The following CDK6 variants were observed in gnomAD, a reference collection of about 807,000 sequenced individuals.
CDK6 encodes the protein cyclin-dependent kinase 6.
In CDK6, 6 loss-of-function variants were observed where a neutral mutation model predicts 37.1. The observed-to-expected ratio is 0.16, with a 90% CI of 0.09 to 0.32. The LOEUF (loss-of-function observed/expected upper bound fraction) is 0.32. CDK6 is among the 10% of genes least tolerant of loss of function. The pLI is 1.00. For missense variants in CDK6, 224 were observed against 418.9 expected (o/e 0.53, Z 4.06); for synonymous variants, 160 against 161.3 (o/e 0.99, Z 0.06).
At chr7:92,779,361 A>G (rs1044634398) in intron 2 of CDK6, among the ~76,000 whole-genome samples, 2 of 152,230 alleles carry the variant, frequency 1.3e-5, no homozygotes, top group African/African-American at 4.8e-5. Context: ...TTCAATCGGT[A>G]GTTTTTAAAA....
chr7:92,651,776 TG>T, intron 5 of CDK6, among the ~76,000 whole-genome samples: 1 of 150,022 alleles, frequency 6.7e-6, no homozygotes, highest in South Asian at 2.1e-4. Flanking sequence ...TTTTTTGACA[TG>T]GAAGAACACT....
At chr7:92,733,666 C>A (rs976674600) in intron 3 of CDK6, among the ~76,000 whole-genome samples, 2 of 152,062 alleles carry the variant, frequency 1.3e-5, no homozygotes, top group Non-Finnish European at 2.9e-5. Flanking sequence ...AAATTACCCA[C>A]CAATTTTAAA....
At chr7:92,812,896 G>T (rs1473637537) in intron 2 of CDK6, among the ~76,000 whole-genome samples, 1 of 152,144 alleles carries the variant, frequency 6.6e-6, no homozygotes, top group East Asian at 1.9e-4. Flanking sequence ...ACAATCACCA[G>T]AATTTATTTT....
At chr7:92,821,593 A>T (rs771880853) in intron 2 of CDK6, among the ~76,000 whole-genome samples, 74 of 152,072 alleles carry the variant, frequency 4.9e-4, no homozygotes, top group Non-Finnish European at 6.0e-4. Flanking sequence ...CTTGAAACAT[A>T]TCTGACAACT....
intron 5 of CDK6, among the ~76,000 whole-genome samples, chr7:92,649,509 T>G (rs954030701): frequency 1.3e-5 from 2 of 152,156 alleles, no homozygotes; most frequent in Non-Finnish European, 2.9e-5. Context: ...ATGCCCCAAT[T>G]TCATGAATAT....
intron 4 of CDK6, among the ~76,000 whole-genome samples, chr7:92,707,188 C>G (rs899101764): frequency 1.3e-5 from 2 of 152,148 alleles, no homozygotes; most frequent in African/African-American, 4.8e-5. Flanking sequence ...TATAGGACTT[C>G]ACTTTTTCAT....
At chr7:92,818,643 G>A (rs1403761614) in intron 2 of CDK6, among the ~76,000 whole-genome samples, 1 of 151,902 alleles carries the variant, frequency 6.6e-6, no homozygotes. Flanking sequence ...AAAGCATTAA[G>A]GAAATGAAAA....
intron 6 of CDK6, among the ~76,000 whole-genome samples, chr7:92,619,638 C>G (rs972362972): frequency 1.3e-5 from 2 of 151,572 alleles, no homozygotes; most frequent in Non-Finnish European, 2.9e-5. Flanking sequence ...ACTTCATTTC[C>G]CCTTCCCTCA....
Position 92,632,502 on chromosome 7 carries a change from G to A in CDK6, c.648-9416C>T, listed in dbSNP as rs562716534. 8.5e-5 allele frequency among the ~76,000 whole-genome samples: 13 copies of A among 152,174 alleles called. No individual in the cohort carries two copies. In the East Asian group the frequency reaches 2.5e-3, roughly 29 times the overall value. ...TGCTCAACATATAAATAAGGGCTCT[G>A]GCCCTTGAATGTCAGTGATGTTGTC... On this transcript the variant is annotated intron_variant, in intron 5 of 7. Coordinates refer to ENST00000424848, the MANE Select transcript of CDK6 (RefSeq NM_001145306.2).
At chr7:92,765,940 T>C (rs1232487371) in intron 3 of CDK6, among the ~76,000 whole-genome samples, 1 of 151,834 alleles carries the variant, frequency 6.6e-6, no homozygotes, top group East Asian at 1.9e-4. Flanking sequence ...TCCAAACAGA[T>C]GAAAAATCAG....
At chr7:92,659,227 T>C (rs1386199925) in intron 5 of CDK6, among the ~76,000 whole-genome samples, 2 of 152,198 alleles carry the variant, frequency 1.3e-5, no homozygotes, top group Non-Finnish European at 2.9e-5. Flanking sequence ...GTCCAATCAG[T>C]ACATGTGGCT....
At chr7:92,669,382 A>T (rs996705364) in intron 5 of CDK6, among the ~76,000 whole-genome samples, 3 of 152,238 alleles carry the variant, frequency 2.0e-5, no homozygotes, top group Non-Finnish European at 4.4e-5. Flanking sequence ...TGAATACTTA[A>T]TTCTACATAT....
At chr7:92,710,507 T>C (rs1047180369) in intron 4 of CDK6, among the ~76,000 whole-genome samples, 3 of 152,182 alleles carry the variant, frequency 2.0e-5, no homozygotes, top group South Asian at 2.1e-4. Context: ...ACAGCACCAA[T>C]TGCAGAATTA....
intron 5 of CDK6, among the ~76,000 whole-genome samples, chr7:92,648,046 A>ATTGGT (rs1248184965): frequency 1.3e-5 from 2 of 152,282 alleles, no homozygotes; most frequent in Admixed American, 1.3e-4. Context: ...GACCATTATA[A>ATTGGT]AAGATTCATG....
At chr7:92,630,279 ATTATTTATTTATTTATTTAT>A (rs3042470) in intron 5 of CDK6, among the ~76,000 whole-genome samples, 4 of 146,726 alleles carry the variant, frequency 2.7e-5, no homozygotes, top group Non-Finnish European at 6.0e-5. Context: ...GCCAAATTAC[ATTATTTATTTATTTATTTAT>A]TTATTTATTT....
intron 4 of CDK6, chr7:92,701,870 A>G (rs1247493377): frequency 1.3e-5 from 2 of 152,266 alleles, no homozygotes; most frequent in African/African-American, 4.8e-5. Context: ...TAAAATCACA[A>G]TATTTTGATT....
chr7:92,828,241 G>A (rs535092161), intron 2 of CDK6, among the ~76,000 whole-genome samples: 15 of 152,102 alleles, frequency 9.9e-5, no homozygotes, highest in Admixed American at 2.6e-4. Flanking sequence ...CTTCAGTATG[G>A]CATACTGCAG....
chr7:92,728,910 G>C (rs1798576945), intron 3 of CDK6, among the ~76,000 whole-genome samples: 1 of 152,136 alleles, frequency 6.6e-6, no homozygotes, highest in South Asian at 2.1e-4. Flanking sequence ...TCAACCACGA[G>C]TTAGGTTGTT....
intron 2 of CDK6, among the ~76,000 whole-genome samples, chr7:92,781,019 G>A (rs577439120): frequency 1.3e-5 from 2 of 152,234 alleles, no homozygotes; most frequent in African/African-American, 4.8e-5. Context: ...AAATATCTCA[G>A]ATGACTTTTA....
Sources: gnomAD v4.1 joint callset for allele counts (sites outside exome capture counted in the v4.1 genomes callset) on GRCh38, gnomAD v4.1.1 for gene constraint, MANE v1.5 for transcripts, NCBI Gene and HGNC (gene_info 2026-07-23, HGNC 2026-07-21) for gene names.